Variants in TAFA2 observed in about 807,000 individuals in gnomAD.
The protein encoded by TAFA2 is TAFA chemokine like family member 2.
A neutral mutation model predicts 18.8 loss-of-function variants in TAFA2; 7 were observed. The observed-to-expected ratio is 0.37, with a 90% CI of 0.21 to 0.70. The LOEUF is 0.70. Among genes scored for constraint, TAFA2 ranks in the 30% least tolerant of loss-of-function variants. The pLI is 0.53. For missense variants in TAFA2, 122 were observed against 158.1 expected (o/e 0.77, Z 1.23); for synonymous variants, 60 against 54.2 (o/e 1.11, Z -0.47).
At chr12:62,131,671 T>G (rs1444001985) in intron 1 of TAFA2, among the ~76,000 whole-genome samples, 1 of 151,952 alleles carries the variant, frequency 6.6e-6, no homozygotes. Context: ...TTCACTTGAG[T>G]GTAAATTTTG....
chr12:61,861,750 A>C (rs1005453894), intron 2 of TAFA2, among the ~76,000 whole-genome samples: 2 of 152,228 alleles, frequency 1.3e-5, no homozygotes, highest in Non-Finnish European at 2.9e-5. Flanking sequence ...AAATTTGGTT[A>C]TTACCGTACT....
At chr12:62,184,356 A>C (rs79199786) in intron 1 of TAFA2, among the ~76,000 whole-genome samples, 3,369 of 152,238 alleles carry the variant, frequency 0.022, 128 homozygotes, top group African/African-American at 0.076. Flanking sequence ...TATATGAGGT[A>C]TTTAAATGCC....
At chr12:62,099,243 G>A (rs906917955) in intron 1 of TAFA2, among the ~76,000 whole-genome samples, 2 of 151,812 alleles carry the variant, frequency 1.3e-5, no homozygotes, top group Admixed American at 1.3e-4. Context: ...ATATAATAAT[G>A]ACAAGAAGCA....
intron 1 of TAFA2, among the ~76,000 whole-genome samples, chr12:62,040,878 A>G (rs1238494645): frequency 6.6e-6 from 1 of 152,148 alleles, no homozygotes; most frequent in East Asian, 1.9e-4. Flanking sequence ...AACTTCCTAA[A>G]CAATTATTGT....
At chr12:61,832,549 T>C (rs1248645011) in intron 2 of TAFA2, among the ~76,000 whole-genome samples, 2 of 152,156 alleles carry the variant, frequency 1.3e-5, no homozygotes, top group East Asian at 3.9e-4. Flanking sequence ...AAATTCCTGA[T>C]TGAAATAATT....
rs143436247 is a variant in TAFA2, at chr12:62,030,548, A to G, written c.-2+160711T>C. 5.1e-4 allele frequency among the ~76,000 whole-genome samples: 77 copies of G among 152,286 alleles called. No homozygotes were observed. In the East Asian group the frequency reaches 0.014, roughly 28 times the overall value. Reference sequence around the variant, plus strand: ...AAGGAAGACATCTATTCTACTCCCAAGCCTAGTGGTATGAAGTATGGTTGT... The same window carrying G: ...AAGGAAGACATCTATTCTACTCCCAGGCCTAGTGGTATGAAGTATGGTTGT... On this transcript the variant is annotated intron_variant, in intron 1 of 4. Transcript: ENST00000416284.
At chr12:61,734,265 C>CA (rs1868267547) in intron 4 of TAFA2, among the ~76,000 whole-genome samples, 2 of 148,460 alleles carry the variant, frequency 1.3e-5, no homozygotes, top group African/African-American at 5.0e-5. Context: ...ATCGCAAGGA[C>CA]AAAAAACCAA....
chr12:61,880,436 C>T (rs572136886), intron 1 of TAFA2: 11 of 539,168 alleles, frequency 2.0e-5, no homozygotes, highest in South Asian at 6.9e-5. Flanking sequence ...ACAGCAGCTG[C>T]GTGTATACCA....
intron 1 of TAFA2, among the ~76,000 whole-genome samples, chr12:62,139,749 A>G (rs1365459893): frequency 6.6e-6 from 1 of 152,174 alleles, no homozygotes; most frequent in African/African-American, 2.4e-5. Flanking sequence ...TTATTATTCA[A>G]AAGGCATAAC....
chr12:61,746,023 C>T, intron 4 of TAFA2, among the ~76,000 whole-genome samples: 1 of 151,698 alleles, frequency 6.6e-6, no homozygotes, highest in East Asian at 1.9e-4. Flanking sequence ...AGAGAGCCTC[C>T]TGATGATGGC....
intron 2 of TAFA2, among the ~76,000 whole-genome samples, chr12:61,791,818 A>C (rs1420599738): frequency 6.6e-6 from 1 of 151,692 alleles, no homozygotes; most frequent in Non-Finnish European, 1.5e-5. Flanking sequence ...GAGTTCCTCA[A>C]AAAATTAAGA....
chr12:62,224,082 T>TAC (rs144010764), intron 1 of TAFA2, among the ~76,000 whole-genome samples: 11,308 of 142,438 alleles, frequency 0.079, 466 homozygotes, highest in East Asian at 0.19. Flanking sequence ...TATATGTGCA[T>TAC]ACACACACAC....
chr12:62,039,729 A>AG lies in TAFA2; in HGVS notation c.-2+151529_-2+151530insC, dbSNP rs560302627. ...ATGAACAATCCTGAGATGCATATACACTTGCACAATCAACTTACAAGCTCC... is the reference window on the plus strand; with the variant it reads ...ATGAACAATCCTGAGATGCATATACAGCTTGCACAATCAACTTACAAGCTCC... On this transcript the variant is annotated intron_variant, in intron 1 of 4. Transcript: ENST00000416284. 4.6e-5 allele frequency among the ~76,000 whole-genome samples: 7 copies of AG among 152,294 alleles called. No individual in the cohort carries two copies. In the South Asian group the frequency reaches 1.4e-3, roughly 32 times the overall value.
At position 61,783,836 on chromosome 12, in the gene TAFA2, G is replaced by T. The variant is rs188013569; in HGVS notation, c.107-28812C>A. Among the ~76,000 whole-genome samples the T allele has an allele frequency of 9.9e-5, 15 of 151,616 alleles. No homozygotes were observed. In the East Asian group the frequency reaches 2.9e-3, roughly 30 times the overall value. On this transcript the variant is annotated intron_variant, in intron 2 of 4. Coordinates refer to ENST00000416284, the MANE Select transcript of TAFA2 (RefSeq NM_178539.5). ...GAGAAAATTTAATTCTATTAAGAAG[G>T]ATAAGCAGCATGCTCTTCAAATATT...
At chr12:61,719,441 C>T (rs899416467) in intron 4 of TAFA2, among the ~76,000 whole-genome samples, 1 of 152,094 alleles carries the variant, frequency 6.6e-6, no homozygotes, top group Non-Finnish European at 1.5e-5. Context: ...TGCCTGACAC[C>T]AATGGCTCCA....
chr12:61,820,508 AG>A (rs1429957195), intron 2 of TAFA2, among the ~76,000 whole-genome samples: 2 of 151,890 alleles, frequency 1.3e-5, no homozygotes, highest in Non-Finnish European at 2.9e-5. Flanking sequence ...TCTCAGAGTA[AG>A]GAATATAAAA....
intron 1 of TAFA2, among the ~76,000 whole-genome samples, chr12:61,977,023 C>A (rs1879462875): frequency 6.6e-6 from 1 of 152,066 alleles, no homozygotes; most frequent in East Asian, 1.9e-4. Flanking sequence ...ATTTATAATC[C>A]TTTGGGTATA....
At chr12:62,111,137 T>A (rs908319438) in intron 1 of TAFA2, among the ~76,000 whole-genome samples, 1 of 152,208 alleles carries the variant, frequency 6.6e-6, no homozygotes, top group African/African-American at 2.4e-5. Flanking sequence ...CTATTAAGTT[T>A]CCCTCTAAAT....
At chr12:62,144,555 G>A (rs2062267652) in intron 1 of TAFA2, among the ~76,000 whole-genome samples, 1 of 152,178 alleles carries the variant, frequency 6.6e-6, no homozygotes, top group Admixed American at 6.5e-5. Flanking sequence ...TACACAAATT[G>A]TGGATACAGA....
Sources: allele counts gnomAD v4.1 joint callset (sites outside exome capture counted in the v4.1 genomes callset), GRCh38; gene constraint gnomAD v4.1.1; transcripts MANE v1.5; gene names NCBI Gene and HGNC (gene_info 2026-07-23, HGNC 2026-07-21).